PPEF2: variants seen among roughly 807,000 people sequenced by gnomAD.
PPEF2 encodes the protein protein phosphatase with EF-hand domain 2.
In PPEF2, 84 loss-of-function variants were observed where a neutral mutation model predicts 84.7. That is an observed-to-expected ratio of 0.99 (90% CI 0.83 to 1.19). The LOEUF is 1.19. Ranked by LOEUF, PPEF2 falls within the 50% of genes most tolerant of loss-of-function variation. The pLI is 0.00. For missense variants in PPEF2, 924 were observed against 937.5 expected (o/e 0.99, Z 0.19); for synonymous variants, 346 against 345.2 (o/e 1.00, Z -0.03).
Position 75,860,499 on chromosome 4 carries a change from C to A in PPEF2, c.*168G>T, listed in dbSNP as rs986352266. On this transcript the variant is annotated 3_prime_UTR_variant, in exon 17 of 17. Coordinates refer to ENST00000286719, the MANE Select transcript of PPEF2 (RefSeq NM_006239.3). ...CTCATATACTTAAAACACATACATA[C>A]ACAACACCCCAACCCACCCCTCCAC... 4.7e-6 allele frequency: 4 copies of A among 857,840 alleles called. No individual in the cohort carries two copies. The highest frequency in any genetic ancestry group is 1.8e-5 in the South Asian group (1 of 55,530). The allele number at this position is 857,840 out of a possible 1,614,324, so 53.1% of individuals were successfully genotyped here.
intron 1 of PPEF2, among the ~76,000 whole-genome samples, chr4:75,898,650 A>G (rs1184658713): frequency 6.6e-6 from 1 of 152,182 alleles, no homozygotes; most frequent in African/African-American, 2.4e-5. Flanking sequence ...TTTTATCCCC[A>G]GGATTTAGCA....
In PPEF2 at chr4:75,888,220, C is replaced by T. The variant is rs374411521; in HGVS notation, c.526G>A (p.Val176Met). 6.2e-7 allele frequency: 1 copy of T among 1,607,888 alleles called. No individual in the cohort carries two copies. The highest frequency in any genetic ancestry group is 8.5e-7 in the Non-Finnish European group (1 of 1,174,372). The change falls in exon 6 of 17, where the codon GTG (valine) becomes ATG (methionine). Residue 176 changes from valine to methionine, a missense_variant. Physicochemically the swap from Val to Met is conservative, Grantham distance 21. Coordinates refer to ENST00000286719, the MANE Select transcript of PPEF2 (RefSeq NM_006239.3). ...GTTTCTGACCAGCTCTTACCACACA[C>T]TGTGATCTCCTCACTGTAACAGGTT... ...VSTCYSEEIT[V>M]CGDLHGQLDD...
intron 1 of PPEF2, among the ~76,000 whole-genome samples, chr4:75,898,876 C>T (rs1006653935): frequency 2.6e-5 from 4 of 152,018 alleles, no homozygotes; most frequent in Non-Finnish European, 5.9e-5. Flanking sequence ...TCAAAATTCT[C>T]TCTTCTAGCT....
Position 75,865,952 on chromosome 4 carries a change from C to T in PPEF2, c.1920+237G>A, listed in dbSNP as rs560252091. On this transcript the variant is annotated intron_variant, in intron 15 of 16. Transcript: ENST00000286719. Reference sequence around the variant, plus strand: ...AACCTCTGTGGGCAGTGTCCTCATACGTGTAATGGTGCTGATAATATGTAC... The same window carrying T: ...AACCTCTGTGGGCAGTGTCCTCATATGTGTAATGGTGCTGATAATATGTAC... Among the ~76,000 whole-genome samples the T allele has an allele frequency of 1.8e-4, 28 of 152,228 alleles. 1 individual carries two copies. Among genetic ancestry groups the T allele is most frequent in the East Asian group, 1.4e-3 (7 of 5,182 alleles).
intron 1 of PPEF2, among the ~76,000 whole-genome samples, chr4:75,898,844 T>C (rs1013140164): frequency 3.9e-5 from 6 of 152,052 alleles, no homozygotes; most frequent in Non-Finnish European, 8.8e-5. Flanking sequence ...AAACATTTAT[T>C]ATTTCTTTGT....
chr4:75,876,470 A>G lies in PPEF2; in HGVS notation c.1137T>C (p.Gly379=), dbSNP rs149341405. ...TSRSSSIPCS[G]SLDGRELSRQ... ...GGGAGAGCTCCCGCCCGTCCAGGGAACCGCTGCAGGGGATGCTGGAGGACC... is the reference window on the plus strand; with the variant it reads ...GGGAGAGCTCCCGCCCGTCCAGGGAGCCGCTGCAGGGGATGCTGGAGGACC... The change falls in exon 11 of 17, where the codon GGT becomes GGC. Residue 379 remains glycine, a synonymous_variant. Coordinates refer to ENST00000286719, the MANE Select transcript of PPEF2 (RefSeq NM_006239.3). 1,376 of 1,613,928 alleles carry G rather than the reference A, an allele frequency of 8.5e-4. 3 individuals are homozygous for G. Among genetic ancestry groups the G allele is most frequent in the Non-Finnish European group, 1.1e-3 (1,308 of 1,179,898 alleles).
At chr4:75,894,407 G>C (rs1724961912) in intron 2 of PPEF2, among the ~76,000 whole-genome samples, 1 of 152,158 alleles carries the variant, frequency 6.6e-6, no homozygotes, top group East Asian at 1.9e-4. Flanking sequence ...ATAAGAAATG[G>C]CATGCTTAAG....
At chr4:75,877,903 G>A (rs1724470677) in intron 10 of PPEF2, among the ~76,000 whole-genome samples, 1 of 152,116 alleles carries the variant, frequency 6.6e-6, no homozygotes, top group Non-Finnish European at 1.5e-5. Context: ...GTTTCTGTCT[G>A]GGAGACCAGT....
chr4:75,884,545 C>T, intron 8 of PPEF2, 49 bp downstream of exon 8: 1 of 1,494,288 alleles, frequency 6.7e-7, no homozygotes, highest in East Asian at 2.3e-5. Context: ...TAACATTTTA[C>T]AATTACAACA....
At chr4:75,899,574 G>A (rs1241691379) in intron 1 of PPEF2, among the ~76,000 whole-genome samples, 1 of 151,924 alleles carries the variant, frequency 6.6e-6, no homozygotes, top group African/African-American at 2.4e-5. Flanking sequence ...GTGATACTGG[G>A]GATTATCAAA....
intron 1 of PPEF2, among the ~76,000 whole-genome samples, chr4:75,901,241 T>G (rs913186687): frequency 7.9e-5 from 12 of 152,000 alleles, no homozygotes; most frequent in African/African-American, 2.7e-4. Flanking sequence ...AATGGCTGGG[T>G]GCCGTGGCTC....
At chr4:75,890,770 G>A (rs952811415) in intron 4 of PPEF2, among the ~76,000 whole-genome samples, 8 of 152,214 alleles carry the variant, frequency 5.3e-5, no homozygotes, top group Non-Finnish European at 7.3e-5. Flanking sequence ...TTTAGTGAGC[G>A]CAACAGGTGC....
At chr4:75,867,466 A>G (rs1276335812) in intron 13 of PPEF2, 47 bp from the exon 14 acceptor site, 1 of 1,316,764 alleles carries the variant, frequency 7.6e-7, no homozygotes, top group Admixed American at 1.8e-5. Context: ...TGGTATAGAA[A>G]AAATACTTAG....
intron 16 of PPEF2, among the ~76,000 whole-genome samples, chr4:75,861,771 G>A (rs1374217883): frequency 4.3e-5 from 6 of 140,198 alleles, no homozygotes; most frequent in African/African-American, 1.5e-4. Context: ...CACCACTCCC[G>A]GCTAATTTTT....
chr4:75,889,708 G>A (rs1724827550), intron 5 of PPEF2, among the ~76,000 whole-genome samples: 1 of 152,230 alleles, frequency 6.6e-6, no homozygotes, highest in African/African-American at 2.4e-5. Context: ...GCACACAGCA[G>A]TGCTCAGTAG....
In PPEF2 at chr4:75,890,404, A is replaced by G. The variant is rs550254527; in HGVS notation, c.242-272T>C. 3.3e-5 allele frequency among the ~76,000 whole-genome samples: 5 copies of G among 151,118 alleles called. No homozygotes were observed. The South Asian group carries it at 1.0e-3, about 32-fold the overall frequency. On this transcript the variant is annotated intron_variant, in intron 4 of 16. Transcript: ENST00000286719. ...CTCAAGAGGCTGAGATGGGAGGATC[A>G]CATAAGCCTGGGATGCAGAGGTTTC...
intron 13 of PPEF2, among the ~76,000 whole-genome samples, chr4:75,870,486 C>T (rs942935516): frequency 1.3e-5 from 2 of 152,162 alleles, no homozygotes; most frequent in Non-Finnish European, 2.9e-5. Flanking sequence ...CTCTATCCAC[C>T]TGATTTATGC....
chr4:75,873,058 T>C, intron 12 of PPEF2, 69 bp downstream of exon 12: 1 of 1,434,354 alleles, frequency 7.0e-7, no homozygotes, highest in South Asian at 1.3e-5. Flanking sequence ...CCTTTGCTCA[T>C]CCAGGCCTGA....
chr4:75,877,279 G>T (rs1460869848), intron 10 of PPEF2, among the ~76,000 whole-genome samples: 2 of 151,830 alleles, frequency 1.3e-5, no homozygotes, highest in Admixed American at 6.6e-5. Context: ...GGAGGTTGCG[G>T]TGAGCCAAGA....
Sources: allele counts gnomAD v4.1 joint callset (sites outside exome capture counted in the v4.1 genomes callset), GRCh38; gene constraint gnomAD v4.1.1; transcripts MANE v1.5; gene names NCBI Gene and HGNC (gene_info 2026-07-23, HGNC 2026-07-21).